Variants in CREBBP observed in about 807,000 individuals in gnomAD.
CREBBP encodes the protein CREB binding lysine acetyltransferase.
In CREBBP, 19 loss-of-function variants were observed where a neutral mutation model predicts 265.0. The observed-to-expected ratio is 0.07, with a 90% CI of 0.05 to 0.11. The LOEUF (loss-of-function observed/expected upper bound fraction) is 0.11, where lower values mean the gene tolerates loss of function less well. Among genes scored for constraint, CREBBP ranks in the 10% least tolerant of loss-of-function variants. The pLI is 1.00. For missense variants in CREBBP, 2,525 were observed against 3,219.0 expected (o/e 0.78, Z 5.22); for synonymous variants, 1,457 against 1,223.7 (o/e 1.19, Z -3.98).
chr16:3,826,583 C>T (rs1338762049), intron 2 of CREBBP, among the ~76,000 whole-genome samples: 1 of 152,042 alleles, frequency 6.6e-6, no homozygotes, highest in Non-Finnish European at 1.5e-5. Context: ...ATCTTCCTTT[C>T]AAAAGCCCAT....
At chr16:3,865,336 G>C (rs1485050238) in intron 1 of CREBBP, among the ~76,000 whole-genome samples, 7 of 152,220 alleles carry the variant, frequency 4.6e-5, no homozygotes. Flanking sequence ...CCAGTGGGGA[G>C]AGGATTAAAG....
chr16:3,740,350 C>G (rs374394028), intron 24 of CREBBP, 49 bp downstream of exon 24: 1 of 1,609,006 alleles, frequency 6.2e-7, no homozygotes. Context: ...CTCTGGCAAG[C>G]GGGCGTGGGG....
intron 2 of CREBBP, among the ~76,000 whole-genome samples, chr16:3,849,451 GTGTGT>G (rs1567360786): frequency 1.2e-4 from 8 of 64,342 alleles, no homozygotes; most frequent in Admixed American, 3.1e-4. Context: ...GTGTGTGTGT[GTGTGT>G]GTGTGTGTGT....
chr16:3,812,540 A>G lies in CREBBP; in HGVS notation c.799-1761T>C, dbSNP rs143422579. On this transcript the variant is annotated intron_variant, in intron 2 of 30. Transcript: ENST00000262367. Reference sequence around the variant, plus strand: ...AGTGCACTGAAATCAAATATATACTAGATAAAGGCAGGAATGGGAAAGAGG... The same window carrying G: ...AGTGCACTGAAATCAAATATATACTGGATAAAGGCAGGAATGGGAAAGAGG... Among the ~76,000 whole-genome samples, 71 of 151,522 alleles carry G rather than the reference A, an allele frequency of 4.7e-4. No individual in the cohort carries two copies. In the East Asian group the frequency reaches 0.014, roughly 29 times the overall value.
intron 19 of CREBBP, among the ~76,000 whole-genome samples, chr16:3,754,850 G>C (rs2052552876): frequency 6.6e-6 from 1 of 152,130 alleles, no homozygotes; most frequent in Non-Finnish European, 1.5e-5. Context: ...AGGACTACAA[G>C]TGCCAAGACA....
intron 1 of CREBBP, among the ~76,000 whole-genome samples, chr16:3,877,683 G>A (rs910452775): frequency 5.3e-5 from 8 of 152,244 alleles, no homozygotes; most frequent in African/African-American, 1.9e-4. Context: ...GGGATTACAG[G>A]CATGAGCCAT....
chr16:3,768,847 T>C (rs970637842), intron 15 of CREBBP, among the ~76,000 whole-genome samples: 7 of 152,204 alleles, frequency 4.6e-5, no homozygotes, highest in Admixed American at 2.6e-4. Context: ...AATTAGTAAA[T>C]GAATCCACCA....
At chr16:3,787,980 AAGG>A (rs1417750565) in intron 5 of CREBBP, among the ~76,000 whole-genome samples, 7 of 152,160 alleles carry the variant, frequency 4.6e-5, no homozygotes, top group Non-Finnish European at 1.0e-4. Flanking sequence ...GTCCGGCCAA[AAGG>A]AGGTGTTTTA....
intron 15 of CREBBP, 110 bp from the exon 16 acceptor site, chr16:3,768,019 T>C (rs2052900080): frequency 1.1e-6 from 1 of 948,956 alleles, no homozygotes; most frequent in Non-Finnish European, 1.7e-6. Context: ...AACCTTCCTC[T>C]AGTCAGAGTT....
rs1156422992 is a variant in CREBBP at position 3,731,058 on chromosome 16, G to A, written c.5172+134C>T. 7.7e-6 allele frequency: 7 copies of A among 911,540 alleles called. No homozygotes were observed. Among genetic ancestry groups the A allele is most frequent in the Admixed American group, 5.6e-5 (3 of 53,184 alleles). 56.5% of individuals were successfully genotyped at this position (911,540 alleles called of 1,614,324 possible). On this transcript the variant is annotated intron_variant, in intron 30 of 30. Transcript: ENST00000262367. The surrounding 1 kb of genome is among the most constrained non-coding windows in gnomAD (Gnocchi z 7.7). ...ACAGCAACGCCTTCTGCCTTGTGAC[G>A]CTGTCCTAGTTCTGGAGGAGTCAGT...
rs34630159 is a variant in CREBBP, at chr16:3,726,412, CCGCCCACCTCAGT to C, written c.*1293_*1305del. 0.99 allele frequency: 229,702 copies of C among 232,856 alleles called. 113,345 individuals are homozygous for C. Among genetic ancestry groups the C allele is most frequent in the East Asian group, 1 (16,523 of 16,524 alleles). The allele number at this position is 232,856 out of a possible 1,614,324, so 14.4% of individuals were successfully genotyped here. A position where few individuals can be genotyped will look rare whatever the true frequency, so the allele number is the denominator to read the frequency against. Reference sequence around the variant, plus strand: ...TCGAATGTGTGGGGCCAACGCTGAGCCGCCCACCTCAGTCGCCCACCTCAGTCTCCGGGAAGAA... The same window carrying C: ...TCGAATGTGTGGGGCCAACGCTGAGCCGCCCACCTCAGTCTCCGGGAAGAA... On this transcript the variant is annotated 3_prime_UTR_variant, in exon 31 of 31. Coordinates refer to ENST00000262367, the MANE Select transcript of CREBBP (RefSeq NM_004380.3).
intron 16 of CREBBP, among the ~76,000 whole-genome samples, chr16:3,763,304 A>G (rs1177360855): frequency 6.6e-6 from 1 of 151,792 alleles, no homozygotes; most frequent in Non-Finnish European, 1.5e-5. Context: ...GACTATAAGC[A>G]TGCACCACCA....
intron 24 of CREBBP, 144 bp downstream of exon 24, chr16:3,740,255 G>A (rs1251454585): frequency 6.6e-6 from 6 of 903,844 alleles, no homozygotes; most frequent in Non-Finnish European, 7.0e-6. Context: ...CAGGACAACC[G>A]CAGCTGAGGG....
At chr16:3,760,316 T>TCCTGAGCTCAAGCGCTCCC (rs1162196619) in intron 16 of CREBBP, among the ~76,000 whole-genome samples, 1 of 150,124 alleles carries the variant, frequency 6.7e-6, no homozygotes, top group Non-Finnish European at 1.5e-5. Flanking sequence ...GGTCTCGAAC[T>TCCTGAGCTCAAGCGCTCCC]CCTGAGCTCA....
At chr16:3,876,630 G>C (rs59824974) in intron 1 of CREBBP, among the ~76,000 whole-genome samples, 1 of 152,052 alleles carries the variant, frequency 6.6e-6, no homozygotes, top group South Asian at 2.1e-4. Flanking sequence ...AGTAAAGGAA[G>C]ACCTCATGTA....
intron 3 of CREBBP, among the ~76,000 whole-genome samples, chr16:3,799,901 A>G (rs534197785): frequency 6.6e-5 from 10 of 152,364 alleles, no homozygotes; most frequent in African/African-American, 2.4e-4. Flanking sequence ...AAAGCTGTTT[A>G]AGTGACTACT....
rs183189903 is a variant in CREBBP, at chr16:3,737,471, G to A, written c.4395-656C>T. 7.4e-5 allele frequency among the ~76,000 whole-genome samples: 11 copies of A among 148,174 alleles called. No individual in the cohort carries two copies. In the East Asian group the frequency reaches 7.8e-4, roughly 11 times the overall value. ...TTCTTTTTTCTTTTTTTTTTTTTGC[G>A]GGCGGGGGGCAGAGTTTCATTGTTG... On this transcript the variant is annotated intron_variant, in intron 26 of 30. Transcript: ENST00000262367.
rs2054753500 is a variant in CREBBP at position 3,849,431 on chromosome 16, GTGTGTGTGTGTGTGTGTGTGT to G, written c.798+845_798+865del. ...TGTGTGTGTGTGTGTGTGTGTGTGT[GTGTGTGTGTGTGTGTGTGTGT>G]GTGTGTGTGTGTGTGTGTGTGTGTG... On this transcript the variant is annotated intron_variant, in intron 2 of 30. Transcript: ENST00000262367. Among the ~76,000 whole-genome samples, 134 of 14,470 alleles carry G rather than the reference GTGTGTGTGTGTGTGTGTGTGT, an allele frequency of 9.3e-3. 6 individuals are homozygous for G. The highest frequency in any genetic ancestry group is 0.03 in the South Asian group (8 of 264). 9.5% of individuals were successfully genotyped at this position (14,470 alleles called of 152,430 possible).
chr16:3,813,602 GT>G (rs897882882), intron 2 of CREBBP, among the ~76,000 whole-genome samples: 33 of 152,046 alleles, frequency 2.2e-4, no homozygotes, highest in African/African-American at 6.3e-4. Context: ...AAAAAATATA[GT>G]TTTTTTTCCC....
Sources: allele counts gnomAD v4.1 joint callset (sites outside exome capture counted in the v4.1 genomes callset), GRCh38; gene constraint gnomAD v4.1.1; non-coding constraint Gnocchi (gnomAD v3.1); transcripts MANE v1.5; gene names NCBI Gene and HGNC (gene_info 2026-07-23, HGNC 2026-07-21).